EFHC2: variants seen among roughly 807,000 people sequenced by gnomAD.
EFHC2 encodes EF-hand domain containing 2, also known as EF-hand domain-containing family member C2.
Under a neutral mutation model 52.7 loss-of-function variants are expected in EFHC2, and 18 were observed. That is an observed-to-expected ratio of 0.34 (90% CI 0.24 to 0.51). The LOEUF is 0.51. Ranked by LOEUF, EFHC2 falls within the 20% of genes least tolerant of loss-of-function variation. EFHC2 has a pLI of 0.97. For synonymous variants in EFHC2, 203 were observed against 204.1 expected (o/e 0.99, Z 0.04); for missense variants, 513 against 562.5 (o/e 0.91, Z 0.89).
At chrX:44,233,109 T>G (rs780570523) in intron 9 of EFHC2, among the ~76,000 whole-genome samples, 3 of 112,084 alleles carry the variant, frequency 2.7e-5, no homozygotes, top group Non-Finnish European at 5.6e-5. Context: ...GGCAAGGACC[T>G]CCTATATATG....
At chrX:44,186,363 A>G (rs2036874268) in intron 11 of EFHC2, among the ~76,000 whole-genome samples, 1 of 112,070 alleles carries the variant, frequency 8.9e-6, no homozygotes, top group Non-Finnish European at 1.9e-5. Flanking sequence ...AATTGTGTCA[A>G]CATTTTTGGT....
At chrX:44,315,022 G>A (rs1211800217) in intron 1 of EFHC2, among the ~76,000 whole-genome samples, 1 of 111,430 alleles carries the variant, frequency 9.0e-6, no homozygotes, top group Non-Finnish European at 1.9e-5. Context: ...GGGGCCTGGT[G>A]GGAGGTGATT....
chrX:44,217,609 A>G (rs948707341), intron 11 of EFHC2, among the ~76,000 whole-genome samples: 1 of 111,454 alleles, frequency 9.0e-6, no homozygotes. Context: ...CAAACATCAC[A>G]TGTTCTCACT....
rs1230759986 is a variant in EFHC2, at chrX:44,157,858, T to C, written c.2148+6064A>G. Among the ~76,000 whole-genome samples the C allele has an allele frequency of 4.6e-5, 5 of 108,467 alleles. No homozygotes were observed. In the Admixed American group the frequency reaches 5.0e-4, roughly 11 times the overall value. The allele number at this position is 108,467 out of a possible 115,157, so 94.2% of individuals were successfully genotyped here. ...GTATTTCCAGCTATAACCTCACGGG[T>C]ATAGGGGCTTAGCCAGCTCTGTCCC... is the stretch of plus-strand genomic sequence containing the variant. On this transcript the variant is annotated intron_variant, in intron 14 of 14. Transcript: ENST00000420999.
At chrX:44,322,885 T>C (rs186568785) in intron 1 of EFHC2, among the ~76,000 whole-genome samples, 35 of 110,511 alleles carry the variant, frequency 3.2e-4, no homozygotes, top group African/African-American at 1.1e-3. Flanking sequence ...TGGTGGCACG[T>C]ACCTGTAATC....
rs958377439 is a variant in EFHC2, at chrX:44,262,352, TA to T, written c.383-1055del. Reference sequence around the variant, plus strand: ...TCTACAAAAGAAAAAAAAAATTAATTAAAAAAAAATTAGCTGGGTATGGTGG... The same window carrying T: ...TCTACAAAAGAAAAAAAAAATTAATTAAAAAAAATTAGCTGGGTATGGTGG... On this transcript the variant is annotated intron_variant, in intron 3 of 14. Transcript: ENST00000420999. 4.1e-3 allele frequency among the ~76,000 whole-genome samples: 422 copies of T among 104,033 alleles called. 3 individuals carry two copies. The highest frequency in any genetic ancestry group is 0.014 in the African/African-American group (390 of 28,562). 90.3% of individuals were successfully genotyped at this position (104,033 alleles called of 115,157 possible).
At chrX:44,266,364 T>A (rs977742921) in intron 3 of EFHC2, among the ~76,000 whole-genome samples, 2 of 110,920 alleles carry the variant, frequency 1.8e-5, no homozygotes, top group Admixed American at 9.7e-5. Flanking sequence ...TAAATTTTTT[T>A]AATTTTTTTT....
At chrX:44,340,695 TG>T (rs2147403932) in intron 1 of EFHC2, among the ~76,000 whole-genome samples, 1 of 111,123 alleles carries the variant, frequency 9.0e-6, no homozygotes, top group South Asian at 3.7e-4. Context: ...GTCATACAAA[TG>T]ACCAACAAAC....
chrX:44,176,451 T>A, intron 12 of EFHC2, 67 bp from the exon 13 acceptor site: 1 of 753,659 alleles, frequency 1.3e-6, no homozygotes, highest in Non-Finnish European at 1.9e-6. Flanking sequence ...TTACATACTA[T>A]AGGAAAGAAA....
intron 11 of EFHC2, among the ~76,000 whole-genome samples, chrX:44,182,302 C>T (rs192702950): frequency 8.9e-6 from 1 of 112,485 alleles, no homozygotes; most frequent in Admixed American, 9.4e-5. Flanking sequence ...TACTATTGTT[C>T]ATTATATGAA....
At chrX:44,156,442 T>C (rs1308743268) in intron 14 of EFHC2, among the ~76,000 whole-genome samples, 1 of 112,364 alleles carries the variant, frequency 8.9e-6, no homozygotes, top group African/African-American at 3.2e-5. Context: ...TTGGGGATAA[T>C]ACTTATTCTT....
intron 2 of EFHC2, among the ~76,000 whole-genome samples, chrX:44,273,301 A>G (rs1374346051): frequency 1.8e-5 from 2 of 111,704 alleles, no homozygotes; most frequent in African/African-American, 6.5e-5. Context: ...AGGCAATTCA[A>G]GCAGGCATAT....
intron 1 of EFHC2, among the ~76,000 whole-genome samples, chrX:44,315,132 A>G (rs2037975370): frequency 1.8e-5 from 2 of 110,191 alleles, no homozygotes; most frequent in African/African-American, 6.6e-5. Flanking sequence ...GCTTGTTTAA[A>G]AGAGTCTGGG....
At chrX:44,165,434 C>G (rs2036689250) in intron 13 of EFHC2, among the ~76,000 whole-genome samples, 1 of 111,487 alleles carries the variant, frequency 9.0e-6, no homozygotes, top group South Asian at 3.8e-4. Context: ...AATTATGGCT[C>G]ACTAGTCATT....
intron 11 of EFHC2, among the ~76,000 whole-genome samples, chrX:44,184,617 G>T (rs2036859840): frequency 9.1e-6 from 1 of 109,732 alleles, no homozygotes; most frequent in Non-Finnish European, 1.9e-5. Flanking sequence ...CAGCTACTTG[G>T]GAGACTGAGG....
chrX:44,336,641 T>C (rs1370441294), intron 1 of EFHC2, among the ~76,000 whole-genome samples: 1 of 111,863 alleles, frequency 8.9e-6, no homozygotes, highest in Non-Finnish European at 1.9e-5. Flanking sequence ...TTTGCTATAA[T>C]TTTCAACTTC....
Position 44,242,306 on chromosome X carries a change from G to T in EFHC2, c.1112-17C>A. The T allele has an allele frequency of 8.4e-7, 1 of 1,195,210 alleles. No individual in the cohort carries two copies. Among genetic ancestry groups the T allele is most frequent in the Non-Finnish European group, 1.1e-6 (1 of 888,431 alleles). Reference sequence around the variant, plus strand: ...TAAAGTTCTCTAGAACAAAACAAAGGCAAACAAAACATCAATATTTTTTTT... The same window carrying T: ...TAAAGTTCTCTAGAACAAAACAAAGTCAAACAAAACATCAATATTTTTTTT... On this transcript the variant is annotated splice_polypyrimidine_tract_variant and intron_variant, in intron 7 of 14. Coordinates refer to ENST00000420999, the MANE Select transcript of EFHC2 (RefSeq NM_025184.4).
chrX:44,175,209 T>C, intron 13 of EFHC2, among the ~76,000 whole-genome samples: 1 of 112,191 alleles, frequency 8.9e-6, no homozygotes, highest in Non-Finnish European at 1.9e-5. Flanking sequence ...TGCAATAAGA[T>C]GACATACATT....
At position 44,239,143 on chromosome X, in the gene EFHC2, GA is replaced by G. The variant is rs781569693; in HGVS notation, c.1280+2977del. On this transcript the variant is annotated intron_variant, in intron 8 of 14. Transcript: ENST00000420999. The stretch of plus-strand genomic sequence containing the variant: ...TAATGGGGAAACATTTTTAAAAGAA[GA>G]AAAAAAATGACTGGTGGGGACAGCA... 3.7e-4 allele frequency among the ~76,000 whole-genome samples: 41 copies of G among 111,176 alleles called. No homozygotes were observed. In the South Asian group the frequency reaches 5.3e-3, roughly 14 times the overall value.
Sources: allele counts gnomAD v4.1 joint callset (sites outside exome capture counted in the v4.1 genomes callset), GRCh38; gene constraint gnomAD v4.1.1; transcripts MANE v1.5; gene names NCBI Gene and HGNC (gene_info 2026-07-23, HGNC 2026-07-21).